Variants in OTOGL observed in about 807,000 individuals in gnomAD.
The protein encoded by OTOGL is otogelin-like protein.
OTOGL carries 285 observed loss-of-function variants against 318.5 expected under a neutral mutation model. The ratio of observed to expected loss-of-function variants is 0.89; its 90% CI spans 0.81 to 0.99. OTOGL has a LOEUF of 0.99. OTOGL is among the 50% of genes least tolerant of loss of function. OTOGL has a pLI of 0.00. For synonymous variants in OTOGL, 987 were observed against 936.5 expected, an observed-to-expected ratio of 1.05 and a Z score of -0.99; for missense variants, 2,899 against 2,845.6, an observed-to-expected ratio of 1.02 and a Z score of -0.43.
intron 46 of OTOGL, among the ~76,000 whole-genome samples, chr12:80,354,550 G>C (rs192323636): frequency 6.6e-6 from 1 of 152,116 alleles, no homozygotes; most frequent in East Asian, 1.9e-4. Context: ...TGAGATGATT[G>C]CAACACAGGA....
intron 1 of OTOGL, among the ~76,000 whole-genome samples, chr12:80,200,115 G>C (rs370485982): frequency 3.6e-4 from 55 of 152,300 alleles, no homozygotes; most frequent in African/African-American, 1.3e-3. Flanking sequence ...CTGCATGTGA[G>C]CCTGTGGGGA....
chr12:80,278,794 C>T (rs1883997088), intron 25 of OTOGL, among the ~76,000 whole-genome samples: 1 of 151,480 alleles, frequency 6.6e-6, no homozygotes, highest in Non-Finnish European at 1.5e-5. Flanking sequence ...TTCTGTGTGA[C>T]CTATGCACAA....
intron 1 of OTOGL, among the ~76,000 whole-genome samples, chr12:80,151,477 T>A (rs899132593): frequency 2.6e-5 from 4 of 152,194 alleles, no homozygotes; most frequent in Non-Finnish European, 5.9e-5. Context: ...CAACTTCCCC[T>A]ATTAAAATGT....
chr12:80,272,732 G>A (rs1342365831), intron 24 of OTOGL, among the ~76,000 whole-genome samples: 1 of 152,088 alleles, frequency 6.6e-6, no homozygotes, highest in Non-Finnish European at 1.5e-5. Context: ...AATCGCATTT[G>A]TCTAAATGGC....
At chr12:80,314,055 C>G (rs974982193) in intron 31 of OTOGL, among the ~76,000 whole-genome samples, 3 of 152,070 alleles carry the variant, frequency 2.0e-5, no homozygotes, top group Non-Finnish European at 4.4e-5. Context: ...AACAAACTTA[C>G]AATTTGAACA....
intron 1 of OTOGL, among the ~76,000 whole-genome samples, chr12:80,126,137 A>G (rs10862060): frequency 0.54 from 81,858 of 151,822 alleles, 22,223 homozygotes; most frequent in Middle Eastern, 0.58. Context: ...ATGTTAGGCT[A>G]TCAGTTTTAG....
chr12:80,272,630 A>G (rs1216755164), intron 24 of OTOGL, among the ~76,000 whole-genome samples: 2 of 151,984 alleles, frequency 1.3e-5, no homozygotes, highest in African/African-American at 2.4e-5. Flanking sequence ...ATTCTTCCTC[A>G]ATGAACATGT....
At position 80,274,670 on chromosome 12, in the gene OTOGL, T is replaced by C. The variant is rs994270635; in HGVS notation, c.2681+2860T>C. On this transcript the variant is annotated intron_variant, in intron 24 of 58. Coordinates refer to ENST00000547103, the MANE Select transcript of OTOGL (RefSeq NM_001378609.3). ...AGGAATAAAGTGCCATCTAGGACTT[T>C]CTTAGCTAGAGAGAAGACAATGCTT... Among the ~76,000 whole-genome samples, 5 of 152,184 alleles carry C rather than the reference T, an allele frequency of 3.3e-5. 1 individual carries two copies. The South Asian group carries it at 6.2e-4, about 19-fold the overall frequency.
At chr12:80,345,129 ATT>A (rs1266311820) in intron 44 of OTOGL, among the ~76,000 whole-genome samples, 1 of 128,596 alleles carries the variant, frequency 7.8e-6, no homozygotes, top group African/African-American at 2.9e-5. Flanking sequence ...TATGTTATAT[ATT>A]ATAATATATA....
intron 27 of OTOGL, among the ~76,000 whole-genome samples, chr12:80,301,030 T>C (rs1304802756): frequency 1.3e-5 from 2 of 152,228 alleles, no homozygotes; most frequent in Non-Finnish European, 2.9e-5. Flanking sequence ...AAACTCCTTA[T>C]GGATATGACT....
At chr12:80,260,746 A>G (rs1450914592) in intron 18 of OTOGL, among the ~76,000 whole-genome samples, 2 of 152,156 alleles carry the variant, frequency 1.3e-5, no homozygotes, top group Non-Finnish European at 2.9e-5. Flanking sequence ...TTTAAAATTT[A>G]TTGTTTTAAG....
intron 29 of OTOGL, among the ~76,000 whole-genome samples, chr12:80,308,083 GCCGGGTGGGGGGCTGA>G (rs1274659407): frequency 7.1e-6 from 1 of 140,240 alleles, no homozygotes; most frequent in African/African-American, 2.8e-5. Flanking sequence ...GGGGCGGCTG[GCCGGGTGGGGGGCTGA>G]CCCCCCCACC....
rs117417749 is a variant in OTOGL, at chr12:80,329,264, G to A, written c.4348+145G>A. On this transcript the variant is annotated intron_variant, in intron 37 of 58. Transcript: ENST00000547103. ...CCAGCAGTCACTTTTGCTTCATTAA[G>A]CTTGTCCATTGGCTCAACATGCCAT... 2,668 of 608,132 alleles carry A rather than the reference G, an allele frequency of 4.4e-3. 58 individuals carry two copies. The East Asian group carries it at 0.044, about 10-fold the overall frequency. 37.7% of individuals were successfully genotyped at this position (608,132 alleles called of 1,614,324 possible).
At chr12:80,214,061 G>A (rs1055040802) in intron 4 of OTOGL, among the ~76,000 whole-genome samples, 13 of 152,300 alleles carry the variant, frequency 8.5e-5, no homozygotes, top group East Asian at 1.9e-4. Flanking sequence ...GCCTCTCTCC[G>A]TCCTGTGGAG....
rs753400665 is a variant in OTOGL, at chr12:80,238,970, G to C, written c.937G>C (p.Ala313Pro). The C allele has an allele frequency of 6.3e-6, 10 of 1,596,066 alleles. No homozygotes were observed. Among genetic ancestry groups the C allele is most frequent in the Non-Finnish European group, 8.5e-6 (10 of 1,178,602 alleles). Reference protein sequence around the residue: ...FPNPCSSGMPAFEAIFFKCQI... With the variant: ...FPNPCSSGMPPFEAIFFKCQI... Reference sequence around the variant, plus strand: ...AAATCCGTGCTCCAGTGGAATGCCAGCATTTGAGGTAAATTTGATGTGAGA... The same window carrying C: ...AAATCCGTGCTCCAGTGGAATGCCACCATTTGAGGTAAATTTGATGTGAGA... The change falls in exon 10 of 59, where the codon GCA (alanine) becomes CCA (proline). Residue 313 changes from alanine to proline, a missense_variant. By Grantham distance (27) the Ala-to-Pro change is conservative. Around this residue, in one of 3 missense-constraint regions of OTOGL, gnomAD observed 2,607 missense variants for 2,524.9 expected, o/e 1.03. Transcript: ENST00000547103.
intron 1 of OTOGL, among the ~76,000 whole-genome samples, chr12:80,161,597 G>C (rs1873520713): frequency 6.6e-6 from 1 of 151,960 alleles, no homozygotes; most frequent in Admixed American, 6.6e-5. Context: ...TATAGTATTT[G>C]GTAATTAACT....
Position 80,320,599 on chromosome 12 carries a change from G to T in OTOGL, c.3980G>T (p.Ser1327Ile), listed in dbSNP as rs774358848. Residue 1327 changes from serine (S) to isoleucine (I), a missense_variant, in exon 34 of 59, where the codon AGC (serine) becomes ATC (isoleucine). By Grantham distance (142) the Ser-to-Ile change is moderately radical. This residue lies in a region of OTOGL where 2,607 missense variants were observed against 2,524.9 expected (regional missense o/e 1.03). Coordinates refer to ENST00000547103, the MANE Select transcript of OTOGL (RefSeq NM_001378609.3). ...IPGYSAFELY[S>I]KKGFFIIFTD... ...GGTTACAGTGCATTTGAGTTATACAGCAAGAAAGGCTTTTTCATCATATTC... is the reference window on the plus strand; with the variant it reads ...GGTTACAGTGCATTTGAGTTATACATCAAGAAAGGCTTTTTCATCATATTC... The T allele has an allele frequency of 6.2e-7, 1 of 1,612,606 alleles. No individual in the cohort carries two copies. The highest frequency in any genetic ancestry group is 2.2e-5 in the East Asian group (1 of 44,856).
Position 80,336,792 on chromosome 12 carries a change from TCCAGAA to T in OTOGL, c.4744-4_4745del. On this transcript the variant is annotated splice_acceptor_variant and splice_polypyrimidine_tract_variant and coding_sequence_variant and intron_variant, in exon 41 of 59. Coordinates refer to ENST00000547103, the MANE Select transcript of OTOGL (RefSeq NM_001378609.3). LOFTEE classifies it high-confidence loss of function. Reference sequence around the variant, plus strand: ...ATTTAAAAGTATTTCTTTTTTTTTTTCCAGAATGGAAACTCCTTAAAAAAGCTAGTG... The same window carrying T: ...ATTTAAAAGTATTTCTTTTTTTTTTTTGGAAACTCCTTAAAAAAGCTAGTG... 6.7e-7 allele frequency: 1 copy of T among 1,497,456 alleles called. No homozygotes were observed. The highest frequency in any genetic ancestry group is 2.2e-5 in the Admixed American group (1 of 45,292). 92.8% of individuals were successfully genotyped at this position (1,497,456 alleles called of 1,614,324 possible). A position where few individuals can be genotyped will look rare whatever the true frequency, so the allele number is the denominator to read the frequency against.
chr12:80,127,381 C>T lies in OTOGL; in HGVS notation c.-20+27776C>T, dbSNP rs1592474125. Among the ~76,000 whole-genome samples the T allele has an allele frequency of 2.6e-5, 4 of 152,234 alleles. No homozygotes were observed. In the East Asian group the frequency reaches 7.7e-4, roughly 29 times the overall value. ...GTTGAATATTGGCCCCCACTCTCTT[C>T]TGTCTTGTAGAGTTTCTGCCGAGAG... is the stretch of plus-strand genomic sequence containing the variant. On this transcript the variant is annotated intron_variant, in intron 1 of 58. Transcript: ENST00000547103.
Sources: allele counts gnomAD v4.1 joint callset (sites outside exome capture counted in the v4.1 genomes callset), GRCh38; gene constraint gnomAD v4.1.1; regional missense constraint gnomAD v4.1.1; transcripts MANE v1.5; gene names NCBI Gene and HGNC (gene_info 2026-07-23, HGNC 2026-07-21).